The following DNAL4 variants were observed in gnomAD, a reference collection of about 807,000 sequenced individuals.
DNAL4 encodes dynein axonemal light chain 4, also known as dynein light chain, outer arm 4.
Under a neutral mutation model 12.6 loss-of-function variants are expected in DNAL4, and 10 were observed. That is an observed-to-expected ratio of 0.79 (90% CI 0.49 to 1.34). The LOEUF (loss-of-function observed/expected upper bound fraction) is 1.34, where lower values mean the gene tolerates loss of function less well. Among genes scored for constraint, DNAL4 ranks in the 40% most tolerant of loss-of-function variants. The pLI, the probability that DNAL4 is intolerant of heterozygous loss-of-function variation, is 0.00. For synonymous variants in DNAL4, 46 were observed against 53.1 expected, an observed-to-expected ratio of 0.87 and a Z score of 0.58; for missense variants, 128 against 138.1, an observed-to-expected ratio of 0.93 and a Z score of 0.37.
chr22:38,789,396 C>A (rs929317750), intron 1 of DNAL4, among the ~76,000 whole-genome samples: 1 of 150,074 alleles, frequency 6.7e-6, no homozygotes, highest in Non-Finnish European at 1.5e-5. Context: ...CATGCTACCA[C>A]ACTCAGTGGT....
At position 38,779,129 on chromosome 22, in the gene DNAL4, G is replaced by A. The variant is rs1326285384; in HGVS notation, c.*320C>T. 1 of 216,292 alleles carries A rather than the reference G, an allele frequency of 4.6e-6. No homozygotes were observed. The highest frequency in any genetic ancestry group is 2.3e-5 in the African/African-American group (1 of 44,006). 13.4% of individuals were successfully genotyped at this position (216,292 alleles called of 1,614,324 possible). On this transcript the variant is annotated 3_prime_UTR_variant, in exon 4 of 4. Transcript: ENST00000216068. This position sits in a 1 kb window ranked among gnomAD's most constrained non-coding sequence, Gnocchi z 4.3. ...CAAGGGGAAGGCAGCCCTGGAGAAA[G>A]GGGGACTGGCGTGTTCCTGTGCGGA...
chr22:38,787,497 C>G (rs1417364496), intron 1 of DNAL4, among the ~76,000 whole-genome samples: 1 of 152,164 alleles, frequency 6.6e-6, no homozygotes, highest in Non-Finnish European at 1.5e-5. Context: ...CTGCCTCAGC[C>G]TCCCAAAGCG....
intron 1 of DNAL4, chr22:38,785,208 T>C (rs958725771): frequency 1.3e-5 from 2 of 152,238 alleles, no homozygotes; most frequent in Non-Finnish European, 1.5e-5. Context: ...TGTGAAGGCG[T>C]ATTTCCAATT....
intron 1 of DNAL4, among the ~76,000 whole-genome samples, chr22:38,788,546 T>C (rs1278437599): frequency 6.6e-6 from 1 of 152,194 alleles, no homozygotes; most frequent in Non-Finnish European, 1.5e-5. Context: ...TTTCCTCATG[T>C]CCGACACCAT....
At chr22:38,792,343 C>T (rs773057072) in intron 1 of DNAL4, among the ~76,000 whole-genome samples, 5 of 150,884 alleles carry the variant, frequency 3.3e-5, no homozygotes, top group Admixed American at 1.3e-4. Flanking sequence ...AGCGCAATGG[C>T]GCTATCTCGG....
intron 1 of DNAL4, among the ~76,000 whole-genome samples, chr22:38,784,382 C>T (rs377117700): frequency 2.0e-5 from 3 of 152,264 alleles, no homozygotes; most frequent in East Asian, 1.9e-4. Flanking sequence ...CTTGTTCATA[C>T]GCCTCCTCAT....
Position 38,780,944 on chromosome 22 carries a change from T to C in DNAL4, c.135A>G (p.Lys45=). The change falls in exon 3 of 4, where the codon AAA becomes AAG. Residue 45 remains lysine (K), a synonymous_variant. Coordinates refer to ENST00000216068, the MANE Select transcript of DNAL4 (RefSeq NM_005740.3). ...TMELCVTACE[K]FSNNNESAAK... The stretch of plus-strand genomic sequence containing the variant: ...GCAATACCTCGTTGTTGTTGGAGAA[T>C]TTCTCACAGGCTGTGACACATAGCT... 1 of 1,614,210 alleles carries C rather than the reference T, an allele frequency of 6.2e-7. No individual in the cohort carries two copies. Among genetic ancestry groups the C allele is most frequent in the Admixed American group, 1.7e-5 (1 of 60,026 alleles).
Position 38,779,328 on chromosome 22 carries a change from A to G in DNAL4, c.*121T>C, listed in dbSNP as rs956654307. 7.6e-7 allele frequency: 1 copy of G among 1,322,640 alleles called. No individual in the cohort carries two copies. The highest frequency in any genetic ancestry group is 1.0e-6 in the Non-Finnish European group (1 of 996,232). 81.9% of individuals were successfully genotyped at this position (1,322,640 alleles called of 1,614,324 possible). On this transcript the variant is annotated 3_prime_UTR_variant, in exon 4 of 4. Transcript: ENST00000216068. This position sits in a 1 kb window ranked among gnomAD's most constrained non-coding sequence, Gnocchi z 4.3. ...GGCGTGGCTCAGGAAACTGGTACAC[A>G]AAGACAAAAAGAAAAGACCCCAACT... is the stretch of plus-strand genomic sequence containing the variant.
intron 3 of DNAL4, among the ~76,000 whole-genome samples, chr22:38,780,373 A>C (rs1288151653): frequency 1.3e-5 from 2 of 152,230 alleles, no homozygotes; most frequent in African/African-American, 4.8e-5. Flanking sequence ...TACAGCTGGG[A>C]AGGGCTGAAG....
rs539052450 is a variant in DNAL4 at position 38,787,762 on chromosome 22, G to C, written c.-139-4892C>G. Among the ~76,000 whole-genome samples the C allele has an allele frequency of 3.3e-5, 5 of 152,274 alleles. No homozygotes were observed. The East Asian group carries it at 7.7e-4, about 23-fold the overall frequency. On this transcript the variant is annotated intron_variant, in intron 1 of 3. Transcript: ENST00000216068. ...AAGGAAATTCTGTGAAACCTCTTGG[G>C]GCTGAGGTGGTAGTGGTGTGGCTAT...
Position 38,778,745 on chromosome 22 carries a change from A to T in DNAL4, c.*704T>A, listed in dbSNP as rs2093029743. ...AGCACTCCTGCCCAGGTGTCCCACC[A>T]GAGGCTCGGTGACCCCTCGAGAAAC... On this transcript the variant is annotated 3_prime_UTR_variant, in exon 4 of 4. Transcript: ENST00000216068. 6.5e-6 allele frequency: 1 copy of T among 152,684 alleles called. No individual in the cohort carries two copies. The allele number at this position is 152,684 out of a possible 1,614,324, so 9.5% of individuals were successfully genotyped here.
intron 1 of DNAL4, among the ~76,000 whole-genome samples, chr22:38,784,977 C>A (rs1034386882): frequency 3.6e-5 from 4 of 111,944 alleles, no homozygotes; most frequent in African/African-American, 2.4e-4. Context: ...TGGCACAGAC[C>A]CCCCCCCCCA....
intron 1 of DNAL4, among the ~76,000 whole-genome samples, chr22:38,789,226 C>T (rs2093046829): frequency 6.6e-6 from 1 of 152,134 alleles, no homozygotes; most frequent in Non-Finnish European, 1.5e-5. Context: ...AACAAAGGGG[C>T]TAGGATTTGA....
At chr22:38,788,465 G>A (rs924413701) in intron 1 of DNAL4, among the ~76,000 whole-genome samples, 12 of 152,158 alleles carry the variant, frequency 7.9e-5, no homozygotes, top group Non-Finnish European at 1.2e-4. Flanking sequence ...GGGACTGAGG[G>A]AGGAGTGGAG....
chr22:38,792,559 T>C (rs558090588), intron 1 of DNAL4, among the ~76,000 whole-genome samples: 25 of 152,370 alleles, frequency 1.6e-4, no homozygotes, highest in Non-Finnish European at 3.2e-4. Flanking sequence ...CTGGGATTAA[T>C]AGGCGTGAGC....
intron 1 of DNAL4, among the ~76,000 whole-genome samples, chr22:38,784,311 G>A (rs911161384): frequency 3.3e-5 from 5 of 152,142 alleles, no homozygotes; most frequent in African/African-American, 1.2e-4. Flanking sequence ...CACTCAGCTC[G>A]TTAGCGACAC....
chr22:38,784,975 A>ACC (rs34429714), intron 1 of DNAL4, among the ~76,000 whole-genome samples: 3,776 of 112,350 alleles, frequency 0.034, 97 homozygotes, highest in Non-Finnish European at 0.048. Flanking sequence ...CCTGGCACAG[A>ACC]CCCCCCCCCC....
chr22:38,784,344 C>T (rs534271652), intron 1 of DNAL4, among the ~76,000 whole-genome samples: 9 of 152,224 alleles, frequency 5.9e-5, no homozygotes, highest in East Asian at 5.8e-4. Flanking sequence ...AATCCAGGCC[C>T]GGCTGTCGGC....
intron 1 of DNAL4, among the ~76,000 whole-genome samples, chr22:38,789,700 G>A (rs563610527): frequency 3.9e-5 from 6 of 152,322 alleles, no homozygotes; most frequent in Admixed American, 3.9e-4. Flanking sequence ...TGGCAGCCTG[G>A]CAGAAAGTAG....
Sources: allele counts gnomAD v4.1 joint callset (sites outside exome capture counted in the v4.1 genomes callset), GRCh38; gene constraint gnomAD v4.1.1; non-coding constraint Gnocchi (gnomAD v3.1); transcripts MANE v1.5; gene names NCBI Gene and HGNC (gene_info 2026-07-23, HGNC 2026-07-21).